The following MACROD2 variants were observed in gnomAD, a reference collection of about 807,000 sequenced individuals.
MACROD2 encodes ADP-ribose glycohydrolase MACROD2.
A neutral mutation model predicts 70.4 loss-of-function variants in MACROD2; 36 were observed. The ratio of observed to expected loss-of-function variants is 0.51; its 90% confidence interval spans 0.39 to 0.68. MACROD2 has a LOEUF of 0.68. Ranked by LOEUF, MACROD2 falls within the 30% of genes least tolerant of loss-of-function variation. The probability of loss-of-function intolerance (pLI) is 0.00; values close to 1 mark genes in which losing one functional copy is unlikely to be tolerated. For synonymous variants in MACROD2, 172 were observed against 178.8 expected (o/e 0.96, Z 0.30); for missense variants, 496 against 538.4 (o/e 0.92, Z 0.78).
chr20:14,268,202 C>T (rs192628044), intron 3 of MACROD2, among the ~76,000 whole-genome samples: 104 of 152,048 alleles, frequency 6.8e-4, no homozygotes, highest in Middle Eastern at 6.8e-3. Flanking sequence ...TATAATTTCT[C>T]CCCTCTATAC....
intron 6 of MACROD2, among the ~76,000 whole-genome samples, chr20:15,263,219 A>G (rs1432544843): frequency 6.6e-6 from 1 of 151,880 alleles, no homozygotes; most frequent in Non-Finnish European, 1.5e-5. Flanking sequence ...ATTTTTGTTT[A>G]CGGTGAGAGA....
At chr20:15,501,132 T>C (rs915386360) in intron 8 of MACROD2, among the ~76,000 whole-genome samples, 6 of 152,222 alleles carry the variant, frequency 3.9e-5, no homozygotes, top group Admixed American at 3.3e-4. Flanking sequence ...ACGTTCCTCA[T>C]TGGAATGCCA....
intron 5 of MACROD2, among the ~76,000 whole-genome samples, chr20:14,807,469 C>A (rs1165306584): frequency 6.6e-6 from 1 of 152,056 alleles, no homozygotes; most frequent in Admixed American, 6.6e-5. Flanking sequence ...GGTAGATAAA[C>A]CCACGAAGAT....
chr20:14,409,310 C>G (rs1283406197), intron 3 of MACROD2, among the ~76,000 whole-genome samples: 1 of 152,030 alleles, frequency 6.6e-6, no homozygotes, highest in Non-Finnish European at 1.5e-5. Flanking sequence ...GTGATGGTAT[C>G]CCTACAACTG....
At chr20:15,798,362 G>T (rs979530) in intron 8 of MACROD2, among the ~76,000 whole-genome samples, 42,886 of 151,644 alleles carry the variant, frequency 0.28, 6,470 homozygotes, top group East Asian at 0.43. Context: ...TAGGATACCC[G>T]CTCTGCCCTG....
chr20:14,553,983 A>T (rs1244167722), intron 4 of MACROD2, among the ~76,000 whole-genome samples: 1 of 152,122 alleles, frequency 6.6e-6, no homozygotes, highest in East Asian at 1.9e-4. Context: ...TCAGCTGTTC[A>T]TAGAACTCAA....
intron 5 of MACROD2, among the ~76,000 whole-genome samples, chr20:14,754,910 T>C (rs1161814340): frequency 6.6e-6 from 1 of 151,890 alleles, no homozygotes; most frequent in East Asian, 1.9e-4. Flanking sequence ...TTTTTTGTTG[T>C]TGCTTATTGA....
At chr20:14,750,092 A>G (rs1330795029) in intron 5 of MACROD2, among the ~76,000 whole-genome samples, 1 of 152,180 alleles carries the variant, frequency 6.6e-6, no homozygotes, top group African/African-American at 2.4e-5. Context: ...ACAATTTTCA[A>G]AAAGAAAAGA....
intron 8 of MACROD2, among the ~76,000 whole-genome samples, chr20:15,604,941 T>C (rs2048872236): frequency 1.3e-5 from 2 of 152,220 alleles, no homozygotes; most frequent in South Asian, 4.1e-4. Context: ...CCCTTTACAA[T>C]TTCTCACCCA....
intron 7 of MACROD2, among the ~76,000 whole-genome samples, chr20:15,436,409 A>G (rs2046428563): frequency 6.7e-6 from 1 of 150,152 alleles, no homozygotes; most frequent in Non-Finnish European, 1.5e-5. Flanking sequence ...CCCATTAACT[A>G]TCACAACAAC....
At chr20:15,235,497 A>AAATTCAGTAC (rs1568658751) in intron 6 of MACROD2, among the ~76,000 whole-genome samples, 5 of 152,234 alleles carry the variant, frequency 3.3e-5, no homozygotes, top group African/African-American at 1.2e-4. Context: ...AATGGGAAAG[A>AAATTCAGTAC]TGATGGGCCT....
At chr20:14,045,210 C>T (rs539180499) in intron 2 of MACROD2, among the ~76,000 whole-genome samples, 1 of 152,240 alleles carries the variant, frequency 6.6e-6, no homozygotes, top group Non-Finnish European at 1.5e-5. Flanking sequence ...CCGGCCTTGG[C>T]CAGCCCAGAA....
At chr20:14,958,350 A>G (rs927368797) in intron 5 of MACROD2, among the ~76,000 whole-genome samples, 1 of 152,220 alleles carries the variant, frequency 6.6e-6, no homozygotes, top group African/African-American at 2.4e-5. Context: ...AGAAAGGTCC[A>G]GATTTTCAAA....
At chr20:14,568,041 G>A (rs939325820) in intron 4 of MACROD2, among the ~76,000 whole-genome samples, 4 of 151,990 alleles carry the variant, frequency 2.6e-5, no homozygotes, top group African/African-American at 9.7e-5. Context: ...ACTGTCATAA[G>A]GCATAATGTA....
At chr20:15,103,847 G>T (rs2075891068) in intron 5 of MACROD2, among the ~76,000 whole-genome samples, 1 of 152,132 alleles carries the variant, frequency 6.6e-6, no homozygotes, top group Non-Finnish European at 1.5e-5. Flanking sequence ...TGAATAAAGG[G>T]AATCCAGGAA....
intron 11 of MACROD2, among the ~76,000 whole-genome samples, chr20:15,934,531 G>A (rs1249304148): frequency 6.6e-6 from 1 of 151,932 alleles, no homozygotes; most frequent in Non-Finnish European, 1.5e-5. Flanking sequence ...CTCCATAGCA[G>A]ATGAGTGAAA....
At chr20:15,893,684 A>C (rs1323837989) in intron 10 of MACROD2, 1 of 456,716 alleles carries the variant, frequency 2.2e-6, no homozygotes, top group East Asian at 6.9e-5. Context: ...CCAAAGACCC[A>C]GAAGCGATAG....
chr20:14,093,557 A>G (rs1044489052), intron 3 of MACROD2, among the ~76,000 whole-genome samples: 3 of 152,120 alleles, frequency 2.0e-5, no homozygotes, highest in Non-Finnish European at 4.4e-5. Flanking sequence ...AAAATCAGTT[A>G]CCTCATGGGG....
chr20:15,735,704 C>T (rs2051010147), intron 8 of MACROD2, among the ~76,000 whole-genome samples: 1 of 152,120 alleles, frequency 6.6e-6, no homozygotes, highest in Non-Finnish European at 1.5e-5. Context: ...GTTTCCATTT[C>T]CTATCTTTGA....
Sources: gnomAD v4.1 joint callset for allele counts (sites outside exome capture counted in the v4.1 genomes callset) on GRCh38, gnomAD v4.1.1 for gene constraint, MANE v1.5 for transcripts, NCBI Gene and HGNC (gene_info 2026-07-23, HGNC 2026-07-21) for gene names.